Variants in PTPN4 observed in about 807,000 individuals in gnomAD.
PTPN4 encodes the protein protein tyrosine phosphatase non-receptor type 4.
In PTPN4, 49 loss-of-function variants were observed where a neutral mutation model predicts 135.5. The observed-to-expected ratio is 0.36, with a 90% CI of 0.29 to 0.46. The LOEUF (loss-of-function observed/expected upper bound fraction) is 0.46, where lower values mean the gene tolerates loss of function less well. PTPN4 is among the 20% of genes least tolerant of loss of function. PTPN4 has a pLI of 1.00. For synonymous variants in PTPN4, 333 were observed against 369.9 expected (o/e 0.90, Z 1.14); for missense variants, 860 against 1,101.0 (o/e 0.78, Z 3.10).
intron 2 of PTPN4, among the ~76,000 whole-genome samples, chr2:119,859,328 A>G (rs1034553345): frequency 1.2e-4 from 19 of 152,156 alleles, no homozygotes; most frequent in Admixed American, 4.6e-4. Context: ...GTAGTATCTC[A>G]GACATTTGAG....
At chr2:119,789,088 TTTC>T (rs1691094231) in intron 1 of PTPN4, among the ~76,000 whole-genome samples, 1 of 151,928 alleles carries the variant, frequency 6.6e-6, no homozygotes, top group African/African-American at 2.4e-5. Flanking sequence ...ATTTTTCTTT[TTTC>T]TTTTTTTTTT....
rs1175393557 is a variant in PTPN4 at position 119,983,230 on chromosome 2, C to T, written c.*6160C>T. 1 of 152,104 alleles carries T rather than the reference C, an allele frequency of 6.6e-6. No homozygotes were observed. The highest frequency in any genetic ancestry group is 1.9e-4 in the East Asian group (1 of 5,202). The allele number at this position is 152,104 out of a possible 1,614,324, so 9.4% of individuals were successfully genotyped here. ...TATTACTTGTGATAAGCTTAAATGC[C>T]ACATCGCTAAGTACAATTATTACCA... On this transcript the variant is annotated 3_prime_UTR_variant, in exon 27 of 27. Coordinates refer to ENST00000263708, the MANE Select transcript of PTPN4 (RefSeq NM_002830.4).
chr2:119,927,882 T>C (rs1360316874), intron 13 of PTPN4, among the ~76,000 whole-genome samples: 1 of 152,186 alleles, frequency 6.6e-6, no homozygotes, highest in East Asian at 1.9e-4. Context: ...TAAAGGGAGT[T>C]TTGTGTTCTT....
intron 1 of PTPN4, among the ~76,000 whole-genome samples, chr2:119,805,414 A>G (rs1051948753): frequency 3.3e-5 from 5 of 152,190 alleles, no homozygotes; most frequent in African/African-American, 1.2e-4. Context: ...TAGGGTTTTT[A>G]TGGTTTTAGG....
At chr2:119,899,224 C>G (rs913408128) in intron 9 of PTPN4, among the ~76,000 whole-genome samples, 4 of 152,164 alleles carry the variant, frequency 2.6e-5, no homozygotes, top group Non-Finnish European at 4.4e-5. Flanking sequence ...TTCACACTTT[C>G]ATTTCCTATA....
intron 18 of PTPN4, among the ~76,000 whole-genome samples, chr2:119,948,692 T>G (rs1244189758): frequency 6.6e-6 from 1 of 152,160 alleles, no homozygotes; most frequent in East Asian, 1.9e-4. Context: ...ATCGTTAAAG[T>G]TGGGGAAACA....
At chr2:119,783,055 T>A (rs1205980626) in intron 1 of PTPN4, among the ~76,000 whole-genome samples, 1 of 151,970 alleles carries the variant, frequency 6.6e-6, no homozygotes. Flanking sequence ...TCGAAATATT[T>A]GTATTTTGAG....
chr2:119,765,501 A>G (rs574383741), intron 1 of PTPN4, among the ~76,000 whole-genome samples: 15 of 152,220 alleles, frequency 9.9e-5, no homozygotes, highest in African/African-American at 3.6e-4. Context: ...TAATTTTATA[A>G]TTGTATTTCA....
At chr2:119,858,986 A>G (rs545442956) in intron 2 of PTPN4, among the ~76,000 whole-genome samples, 1 of 151,896 alleles carries the variant, frequency 6.6e-6, no homozygotes, top group African/African-American at 2.4e-5. Flanking sequence ...CTTCAGGTTC[A>G]TTGATTATTT....
chr2:119,807,968 C>T (rs1204374095), intron 1 of PTPN4, among the ~76,000 whole-genome samples: 3 of 152,158 alleles, frequency 2.0e-5, no homozygotes, highest in Admixed American at 6.5e-5. Context: ...GAAGCAATGA[C>T]AAAAACCACA....
At chr2:119,869,151 CTA>C (rs1217078940) in intron 3 of PTPN4, among the ~76,000 whole-genome samples, 1 of 152,188 alleles carries the variant, frequency 6.6e-6, no homozygotes, top group Non-Finnish European at 1.5e-5. Flanking sequence ...GAGTAGAACA[CTA>C]TATGGTTCCA....
At chr2:119,922,218 TAAAAAAA>T (rs34480531) in intron 12 of PTPN4, among the ~76,000 whole-genome samples, 1 of 120,876 alleles carries the variant, frequency 8.3e-6, no homozygotes, top group African/African-American at 2.9e-5. Flanking sequence ...CAATCTGATT[TAAAAAAA>T]AAAAAAAAAA....
intron 18 of PTPN4, among the ~76,000 whole-genome samples, chr2:119,947,819 T>G (rs1318888407): frequency 6.6e-6 from 1 of 151,158 alleles, no homozygotes; most frequent in Non-Finnish European, 1.5e-5. Flanking sequence ...AAGTCTCCAC[T>G]AAATAGAAAT....
chr2:119,777,148 T>G (rs926423377), intron 1 of PTPN4, among the ~76,000 whole-genome samples: 1 of 152,210 alleles, frequency 6.6e-6, no homozygotes, highest in African/African-American at 2.4e-5. Context: ...CACACTGGCC[T>G]CCTTTTTGTT....
intron 1 of PTPN4, among the ~76,000 whole-genome samples, chr2:119,798,974 C>T (rs1016394253): frequency 2.6e-5 from 4 of 152,130 alleles, no homozygotes; most frequent in Non-Finnish European, 4.4e-5. Flanking sequence ...ATTGCTTTAT[C>T]GAATGTATTG....
intron 12 of PTPN4, among the ~76,000 whole-genome samples, chr2:119,925,761 A>G (rs925335393): frequency 6.6e-6 from 1 of 152,232 alleles, no homozygotes; most frequent in Non-Finnish European, 1.5e-5. Flanking sequence ...TACTGGGACT[A>G]TCAGATCTAT....
chr2:119,796,140 C>CCACTGCTGG (rs1691254917), intron 1 of PTPN4, among the ~76,000 whole-genome samples: 1 of 86 alleles, frequency 0.012, no homozygotes, highest in Non-Finnish European at 0.12. Context: ...CACAAGGGAC[C>CCACTGCTGG]CACTGCTGCT....
intron 2 of PTPN4, among the ~76,000 whole-genome samples, chr2:119,858,304 A>T (rs1478978853): frequency 6.6e-6 from 1 of 152,122 alleles, no homozygotes; most frequent in East Asian, 1.9e-4. Context: ...TTGAATTGTC[A>T]TTGCCTGTTG....
In PTPN4 at chr2:119,882,663, T is replaced by A. The variant is rs3752865; in HGVS notation, c.587+40T>A. On this transcript the variant is annotated intron_variant, in intron 8 of 26. Coordinates refer to ENST00000263708, the MANE Select transcript of PTPN4 (RefSeq NM_002830.4). ...GTTTTTTATTTGATAAACTTCTTAATGGCATTCTTTCTAGAGAAATGTTTG... is the reference window on the plus strand; with the variant it reads ...GTTTTTTATTTGATAAACTTCTTAAAGGCATTCTTTCTAGAGAAATGTTTG... The A allele has an allele frequency of 4.6e-4, 658 of 1,423,402 alleles. 3 individuals are homozygous for A. The East Asian group carries it at 0.014, about 30-fold the overall frequency. The allele number at this position is 1,423,402 out of a possible 1,614,324, so 88.2% of individuals were successfully genotyped here.
Sources: gnomAD v4.1 joint callset for allele counts (sites outside exome capture counted in the v4.1 genomes callset) on GRCh38, gnomAD v4.1.1 for gene constraint, MANE v1.5 for transcripts, NCBI Gene and HGNC (gene_info 2026-07-23, HGNC 2026-07-21) for gene names.